The following CADPS2 variants were observed in gnomAD, a reference collection of about 807,000 sequenced individuals.
CADPS2 encodes the protein calcium dependent secretion activator 2.
CADPS2 carries 93 observed loss-of-function variants against 172.5 expected under a neutral mutation model. The ratio of observed to expected loss-of-function variants is 0.54; its 90% CI spans 0.46 to 0.64. The LOEUF is 0.64. Among genes scored for constraint, CADPS2 ranks in the 30% least tolerant of loss-of-function variants. CADPS2 has a pLI of 0.00. For missense variants in CADPS2, 1,420 were observed against 1,565.9 expected (o/e 0.91, Z 1.57); for synonymous variants, 546 against 555.2 (o/e 0.98, Z 0.23).
At chr7:122,486,293 C>T (rs962332701) in intron 11 of CADPS2, among the ~76,000 whole-genome samples, 5 of 152,106 alleles carry the variant, frequency 3.3e-5, no homozygotes, top group Non-Finnish European at 5.9e-5. Flanking sequence ...ATTCATCATT[C>T]CAAATGCCAT....
At chr7:122,340,344 G>A (rs2036582202) in intron 28 of CADPS2, among the ~76,000 whole-genome samples, 2 of 152,168 alleles carry the variant, frequency 1.3e-5, no homozygotes, top group South Asian at 4.1e-4. Flanking sequence ...ACCCTGATGT[G>A]TCTTCAGCAA....
intron 25 of CADPS2, among the ~76,000 whole-genome samples, chr7:122,370,378 C>T (rs1447822150): frequency 6.6e-6 from 1 of 152,116 alleles, no homozygotes; most frequent in Non-Finnish European, 1.5e-5. Context: ...AATTTCAATC[C>T]TTTTTAAAAA....
In CADPS2 at chr7:122,366,329, G is replaced by T. The variant is rs374765268; in HGVS notation, c.3388-5316C>A. Among the ~76,000 whole-genome samples, 336 of 151,590 alleles carry T rather than the reference G, an allele frequency of 2.2e-3. 1 individual carries two copies. Among genetic ancestry groups the T allele is most frequent in the Middle Eastern group, 6.8e-3 (2 of 292 alleles). On this transcript the variant is annotated intron_variant, in intron 25 of 29. Coordinates refer to ENST00000449022, the MANE Select transcript of CADPS2 (RefSeq NM_017954.11). Reference sequence around the variant, plus strand: ...TAATAAAATAATACGAGGCGGCCAGGTGTGGTGGCTCACACCTGTAATCCC... The same window carrying T: ...TAATAAAATAATACGAGGCGGCCAGTTGTGGTGGCTCACACCTGTAATCCC...
At position 122,854,433 on chromosome 7, in the gene CADPS2, A is replaced by G. The variant is rs1465832880; in HGVS notation, c.339+31566T>C. Reference sequence around the variant, plus strand: ...TCTACTCACAGTATTCAATAATGAGAAAGTCAAAGAAGAGGAAGCAGATGA... The same window carrying G: ...TCTACTCACAGTATTCAATAATGAGGAAGTCAAAGAAGAGGAAGCAGATGA... On this transcript the variant is annotated intron_variant, in intron 1 of 29. Transcript: ENST00000449022. 2.0e-5 allele frequency among the ~76,000 whole-genome samples: 3 copies of G among 152,294 alleles called. No homozygotes were observed. The East Asian group carries it at 5.8e-4, about 29-fold the overall frequency.
At chr7:122,653,057 A>G (rs774193486) in intron 3 of CADPS2, among the ~76,000 whole-genome samples, 1 of 152,150 alleles carries the variant, frequency 6.6e-6, no homozygotes, top group Non-Finnish European at 1.5e-5. Context: ...GATATTACCA[A>G]ACGATGGCCA....
intron 16 of CADPS2, among the ~76,000 whole-genome samples, chr7:122,438,888 A>G (rs2050995722): frequency 6.6e-6 from 1 of 151,994 alleles, no homozygotes; most frequent in Non-Finnish European, 1.5e-5. Context: ...TTTGAGAACA[A>G]TAACAAAAAT....
chr7:122,377,216 GT>G (rs1394718732), intron 25 of CADPS2, among the ~76,000 whole-genome samples: 2 of 152,076 alleles, frequency 1.3e-5, no homozygotes, highest in African/African-American at 4.8e-5. Context: ...ACAACCACAT[GT>G]GGCTAGTAGC....
In CADPS2 at chr7:122,428,820, G is replaced by C. The variant is rs868201872; in HGVS notation, c.2476+9521C>G. On this transcript the variant is annotated intron_variant, in intron 17 of 29. Coordinates refer to ENST00000449022, the MANE Select transcript of CADPS2 (RefSeq NM_017954.11). Reference sequence around the variant, plus strand: ...TGACAAAATGGGAAGTTTGCCTAAAGAACTTTTGCATATTGAAGTACAATG... The same window carrying C: ...TGACAAAATGGGAAGTTTGCCTAAACAACTTTTGCATATTGAAGTACAATG... Among the ~76,000 whole-genome samples, 10 of 152,146 alleles carry C rather than the reference G, an allele frequency of 6.6e-5. No individual in the cohort carries two copies. The South Asian group carries it at 2.1e-3, about 32-fold the overall frequency.
intron 3 of CADPS2, among the ~76,000 whole-genome samples, chr7:122,642,015 C>T (rs2077705268): frequency 6.6e-6 from 1 of 152,052 alleles, no homozygotes; most frequent in Non-Finnish European, 1.5e-5. Flanking sequence ...CGTGGTGGCT[C>T]AAACCTGTAA....
At chr7:122,621,763 C>G in intron 4 of CADPS2, 46 bp from the exon 5 acceptor site, 1 of 1,059,172 alleles carries the variant, frequency 9.4e-7, no homozygotes, top group Non-Finnish European at 1.4e-6. Context: ...AGTCATATTT[C>G]AATTTTATCA....
At chr7:122,790,391 C>A in intron 1 of CADPS2, among the ~76,000 whole-genome samples, 1 of 131,826 alleles carries the variant, frequency 7.6e-6, no homozygotes, top group Non-Finnish European at 1.6e-5. Context: ...AGCCAGACAG[C>A]GTTTCTAAAA....
intron 8 of CADPS2, among the ~76,000 whole-genome samples, chr7:122,538,146 T>TAA (rs35361124): frequency 6.8e-6 from 1 of 146,400 alleles, no homozygotes; most frequent in Non-Finnish European, 1.5e-5. Flanking sequence ...ACAAATTCAG[T>TAA]AAAAAAAAAA....
chr7:122,736,931 A>G, intron 2 of CADPS2, 24 bp downstream of exon 2: 1 of 1,256,770 alleles, frequency 8.0e-7, no homozygotes, highest in South Asian at 1.3e-5. Context: ...TCGGAAAGCC[A>G]AAAACAAAGC....
At chr7:122,732,702 TATTATATATA>T (rs1459731187) in intron 2 of CADPS2, among the ~76,000 whole-genome samples, 9 of 144,700 alleles carry the variant, frequency 6.2e-5, no homozygotes, top group East Asian at 3.9e-4. Flanking sequence ...TTACATTATA[TATTATATATA>T]ATTATATATT....
chr7:122,831,806 A>G (rs967751412), intron 1 of CADPS2, among the ~76,000 whole-genome samples: 1 of 152,232 alleles, frequency 6.6e-6, no homozygotes, highest in African/African-American at 2.4e-5. Flanking sequence ...TCTCAAATAT[A>G]ACAATGAAAG....
At chr7:122,480,198 AAAG>A (rs2057125948) in intron 12 of CADPS2, 2 of 459,928 alleles carry the variant, frequency 4.3e-6, no homozygotes, top group Non-Finnish European at 9.1e-6. Context: ...TCAAAGAAAA[AAAG>A]AAGTGGAATA....
intron 6 of CADPS2, among the ~76,000 whole-genome samples, chr7:122,598,881 G>T (rs2072311789): frequency 6.6e-6 from 1 of 152,042 alleles, no homozygotes; most frequent in African/African-American, 2.4e-5. Flanking sequence ...TTGAGGGGGA[G>T]CAGATAAAAA....
chr7:122,717,432 C>T (rs778366691), intron 2 of CADPS2, among the ~76,000 whole-genome samples: 54 of 152,090 alleles, frequency 3.6e-4, no homozygotes, highest in Non-Finnish European at 1.0e-4. Flanking sequence ...GAAAAGACCA[C>T]ATAAAAATGT....
chr7:122,761,996 CAA>C (rs1163039605), intron 1 of CADPS2, among the ~76,000 whole-genome samples: 8,738 of 64,468 alleles, frequency 0.14, 282 homozygotes, highest in African/African-American at 0.15. Flanking sequence ...GACTCTGCCT[CAA>C]AAAAAAAAAA....
Sources: allele counts gnomAD v4.1 joint callset (sites outside exome capture counted in the v4.1 genomes callset), GRCh38; gene constraint gnomAD v4.1.1; transcripts MANE v1.5; gene names NCBI Gene and HGNC (gene_info 2026-07-23, HGNC 2026-07-21).